The following KIZ variants were observed in gnomAD, a reference collection of about 807,000 sequenced individuals.
KIZ encodes kizuna centrosomal protein.
In KIZ, 68 loss-of-function variants were observed where a neutral mutation model predicts 79.6. The ratio of observed to expected loss-of-function variants is 0.85; its 90% confidence interval spans 0.70 to 1.05. The LOEUF is 1.05. Among genes scored for constraint, KIZ ranks in the 50% least tolerant of loss-of-function variants. The pLI is 0.00. For synonymous variants in KIZ, 280 were observed against 281.8 expected, an observed-to-expected ratio of 0.99 and a Z score of 0.06; for missense variants, 797 against 800.4, an observed-to-expected ratio of 1.00 and a Z score of 0.05.
Position 21,162,155 on chromosome 20 carries a change from T to C in KIZ, c.690T>C (p.Leu230=). ...ACAACATAGATGGAAAGGCATCTCT[T>C]CAGATTGGTGAGAAAATGCCAGTCA... The part of the protein sequence containing the change: ...KSDNIDGKAS[L]QIGEKMPVTA... The change falls in exon 5 of 13, where the codon CTT becomes CTC. Residue 230 remains leucine (L), a synonymous_variant. Transcript: ENST00000619189. 6.2e-7 allele frequency: 1 copy of C among 1,611,128 alleles called. No individual in the cohort carries two copies. The highest frequency in any genetic ancestry group is 1.1e-5 in the South Asian group (1 of 90,908).
chr20:21,198,365 AT>A, intron 6 of KIZ: 4 of 152,442 alleles, frequency 2.6e-5, no homozygotes, highest in Admixed American at 2.6e-4. Flanking sequence ...CCAGGCCGCA[AT>A]CCTCTTATTA....
In KIZ at chr20:21,214,705, C is replaced by A; in HGVS notation, c.1612+5C>A. 6.2e-7 allele frequency: 1 copy of A among 1,604,996 alleles called. No homozygotes were observed. The highest frequency in any genetic ancestry group is 8.5e-7 in the Non-Finnish European group (1 of 1,172,338). On this transcript the variant is annotated splice_donor_5th_base_variant and intron_variant, in intron 8 of 12. Transcript: ENST00000619189. Reference sequence around the variant, plus strand: ...GTGTTCCTACAAGGGAACAAGGTAACTATTGTTAAAGTGTGTGTCCACAGC... The same window carrying A: ...GTGTTCCTACAAGGGAACAAGGTAAATATTGTTAAAGTGTGTGTCCACAGC...
At chr20:21,152,559 A>G (rs1018328894) in intron 4 of KIZ, among the ~76,000 whole-genome samples, 1 of 152,184 alleles carries the variant, frequency 6.6e-6, no homozygotes, top group Non-Finnish European at 1.5e-5. Flanking sequence ...GAGCATATAC[A>G]GGGGATATTG....
In KIZ at chr20:21,246,474, T is replaced by C; in HGVS notation, c.1925-5T>C. 6.3e-7 allele frequency: 1 copy of C among 1,584,570 alleles called. No homozygotes were observed. Among genetic ancestry groups the C allele is most frequent in the Non-Finnish European group, 8.7e-7 (1 of 1,153,754 alleles). On this transcript the variant is annotated splice_polypyrimidine_tract_variant and splice_region_variant and intron_variant, in intron 12 of 12. Coordinates refer to ENST00000619189, the MANE Select transcript of KIZ (RefSeq NM_018474.6). ...GTTAAATAACTGTCTGGTTTTATTTTCCAGCCCTCTGGGATGAGTCTGATG... is the reference window on the plus strand; with the variant it reads ...GTTAAATAACTGTCTGGTTTTATTTCCCAGCCCTCTGGGATGAGTCTGATG...
intron 10 of KIZ, 139 bp downstream of exon 10, chr20:21,229,254 C>T (rs1430283546): frequency 5.1e-6 from 3 of 583,880 alleles, no homozygotes; most frequent in Non-Finnish European, 9.2e-6. Context: ...TGAGCTAGTA[C>T]TTTTTTATCC....
At chr20:21,232,169 G>A (rs1168087898) in intron 10 of KIZ, among the ~76,000 whole-genome samples, 1 of 152,190 alleles carries the variant, frequency 6.6e-6, no homozygotes, top group Non-Finnish European at 1.5e-5. Flanking sequence ...GGGGCATTGT[G>A]GGAATATCCA....
intron 3 of KIZ, among the ~76,000 whole-genome samples, chr20:21,142,789 T>TTAAATAAATAAATAAA (rs1431186234): frequency 6.5e-5 from 3 of 46,176 alleles, no homozygotes; most frequent in African/African-American, 5.0e-4. Flanking sequence ...AGCCCTTGTC[T>TTAAATAAATAAATAAA]CAAATAAATA....
chr20:21,175,329 A>G (rs574036684), intron 6 of KIZ, among the ~76,000 whole-genome samples: 7 of 152,338 alleles, frequency 4.6e-5, no homozygotes, highest in Admixed American at 2.6e-4. Flanking sequence ...TAAGAAGGGA[A>G]TAGTCCTGAG....
intron 9 of KIZ, among the ~76,000 whole-genome samples, chr20:21,218,985 C>T (rs75825417): frequency 0.043 from 6,511 of 152,206 alleles, 439 homozygotes; most frequent in African/African-American, 0.14. Context: ...TCCTTCTGTG[C>T]GTCTTTATTT....
At chr20:21,166,535 C>T in intron 6 of KIZ, 2 of 1,507,610 alleles carry the variant, frequency 1.3e-6, no homozygotes, top group Non-Finnish European at 9.1e-7. Context: ...CTGGCGTTTG[C>T]CTCTCTTTTC....
Position 21,162,297 on chromosome 20 carries a change from T to G in KIZ, c.832T>G (p.Leu278Val), listed in dbSNP as rs1254590328. The part of the protein sequence containing the change: ...GKKSAELNSP[L>V]RERLSPENRT... ...AAAGTCTGCTGAACTCAATTCCCCG[T>G]TACGGGAAAGATTAAGTCCAGAGAA... The change falls in exon 5 of 13, where the codon TTA becomes GTA. Residue 278 changes from leucine to valine, a missense_variant. Transcript: ENST00000619189. 2 of 1,613,754 alleles carry G rather than the reference T, an allele frequency of 1.2e-6. No homozygotes were observed. The highest frequency in any genetic ancestry group is 4.5e-5 in the East Asian group (2 of 44,880).
At chr20:21,193,466 A>G (rs2123050766) in intron 6 of KIZ, among the ~76,000 whole-genome samples, 1 of 151,978 alleles carries the variant, frequency 6.6e-6, no homozygotes, top group Middle Eastern at 3.4e-3. Context: ...TGGGATCTAG[A>G]TCTAGAAATA....
At chr20:21,241,848 G>T (rs2037228975) in intron 11 of KIZ, among the ~76,000 whole-genome samples, 1 of 152,112 alleles carries the variant, frequency 6.6e-6, no homozygotes, top group African/African-American at 2.4e-5. Flanking sequence ...CCTTGTGCAT[G>T]ACTTTTTCCT....
intron 4 of KIZ, among the ~76,000 whole-genome samples, chr20:21,159,009 A>G (rs894161056): frequency 3.1e-5 from 3 of 95,476 alleles, no homozygotes; most frequent in African/African-American, 8.8e-5. Flanking sequence ...TATTATTACT[A>G]TTATTATTAT....
upstream of KIZ, chr20:21,126,073 C>CG (rs5840900): frequency 0.61 from 889,072 of 1,459,588 alleles, 276,322 homozygotes; most frequent in South Asian, 0.72. Context: ...CCCGGCCGAA[C>CG]GGCCACCCAG....
chr20:21,170,796 A>G (rs1237157251), intron 6 of KIZ, among the ~76,000 whole-genome samples: 1 of 152,148 alleles, frequency 6.6e-6, no homozygotes, highest in African/African-American at 2.4e-5. Flanking sequence ...GCCTCTGGTA[A>G]CTATCTTTCT....
At chr20:21,227,181 C>T (rs1167344443) in intron 9 of KIZ, among the ~76,000 whole-genome samples, 5 of 152,140 alleles carry the variant, frequency 3.3e-5, no homozygotes, top group Non-Finnish European at 1.5e-5. Context: ...GCTTAATCCC[C>T]CCCAAATCTG....
chr20:21,223,843 T>A (rs1481115397), intron 9 of KIZ, among the ~76,000 whole-genome samples: 1 of 151,718 alleles, frequency 6.6e-6, no homozygotes, highest in Non-Finnish European at 1.5e-5. Flanking sequence ...CTAATTTTTG[T>A]ATTTTTGTAT....
chr20:21,223,424 C>T (rs891383964), intron 9 of KIZ, among the ~76,000 whole-genome samples: 1 of 152,146 alleles, frequency 6.6e-6, no homozygotes, highest in African/African-American at 2.4e-5. Flanking sequence ...GGTCTCTTCT[C>T]GTGCATCAGC....
Sources: allele counts gnomAD v4.1 joint callset (sites outside exome capture counted in the v4.1 genomes callset), GRCh38; gene constraint gnomAD v4.1.1; transcripts MANE v1.5; gene names NCBI Gene and HGNC (gene_info 2026-07-23, HGNC 2026-07-21).